Variants in DAP3 observed in about 807,000 individuals in gnomAD.
DAP3 encodes the protein small ribosomal subunit protein mS29.
DAP3 carries 28 observed loss-of-function variants against 51.9 expected under a neutral mutation model. The ratio of observed to expected loss-of-function variants is 0.54; its 90% CI spans 0.40 to 0.74. The LOEUF (loss-of-function observed/expected upper bound fraction) is 0.74, where lower values mean the gene tolerates loss of function less well. Ranked by LOEUF, DAP3 falls within the 30% of genes least tolerant of loss-of-function variation. The pLI is 0.00. For synonymous variants in DAP3, 170 were observed against 170.3 expected (o/e 1.00, Z 0.01); for missense variants, 458 against 483.5 (o/e 0.95, Z 0.49).
chr1:155,729,062 T>C lies in DAP3; in HGVS notation c.624T>C (p.Tyr208=), dbSNP rs753566559. The change falls in exon 8 of 13, where the codon TAT becomes TAC. Residue 208 remains tyrosine (Y), a synonymous_variant. Coordinates refer to ENST00000368336, the MANE Select transcript of DAP3 (RefSeq NM_004632.4). Reference sequence around the variant, plus strand: ...TTTAGATAAAAGTTCAAGAGAAGTATGTCTGGAATAAGAGAGAAAGCACTG... The same window carrying C: ...TTTAGATAAAAGTTCAAGAGAAGTACGTCTGGAATAAGAGAGAAAGCACTG... ...FLNQIKVQEK[Y]VWNKRESTEK... The C allele has an allele frequency of 5.3e-5, 86 of 1,613,746 alleles. No individual in the cohort carries two copies. The highest frequency in any genetic ancestry group is 6.9e-5 in the Non-Finnish European group (82 of 1,179,960).
intron 1 of DAP3, among the ~76,000 whole-genome samples, chr1:155,701,688 T>TAA (rs766433912): frequency 0.096 from 10,685 of 111,878 alleles, 1,553 homozygotes; most frequent in African/African-American, 0.31. Flanking sequence ...AAAAATAAAT[T>TAA]AAAAAAAAAA....
At chr1:155,688,280 G>T (rs544283867), upstream of DAP3, 18 of 1,588,922 alleles carry the variant, frequency 1.1e-5, no homozygotes, top group Non-Finnish European at 1.5e-5. Context: ...TCCCGCAACC[G>T]ACACTGGGAT....
rs1202992150 is a variant in DAP3 at position 155,692,778 on chromosome 1, T to C, written c.-8+3604T>C. On this transcript the variant is annotated intron_variant, in intron 1 of 12. Coordinates refer to ENST00000368336, the MANE Select transcript of DAP3 (RefSeq NM_004632.4). ...AGAAATCAGAAGTATTCCAATCACA[T>C]TGCATTTGCAATCGATGCTCTAAGC... Among the ~76,000 whole-genome samples, 2 of 142,360 alleles carry C rather than the reference T, an allele frequency of 1.4e-5. 1 individual carries two copies. Among genetic ancestry groups the C allele is most frequent in the African/African-American group, 6.3e-5 (2 of 31,764 alleles). The allele number at this position is 142,360 out of a possible 152,430, so 93.4% of individuals were successfully genotyped here.
At chr1:155,727,378 G>A (rs1415701187) in intron 6 of DAP3, 1 of 300,128 alleles carries the variant, frequency 3.3e-6, no homozygotes, top group Non-Finnish European at 5.9e-6. Flanking sequence ...GCTGAGGCAG[G>A]ATGATTGCCT....
chr1:155,736,839 C>A, intron 11 of DAP3, 107 bp from the exon 12 acceptor site: 1 of 904,984 alleles, frequency 1.1e-6, no homozygotes, highest in Non-Finnish European at 1.8e-6. Context: ...AGTAGAGTTA[C>A]ATAGAAGAAA....
rs1397911722 is a variant in DAP3, at chr1:155,709,819, C to G, written c.40C>G (p.His14Asp). 6.2e-7 allele frequency: 1 copy of G among 1,613,422 alleles called. No individual in the cohort carries two copies. Among genetic ancestry groups the G allele is most frequent in the Admixed American group, 1.7e-5 (1 of 59,938 alleles). Residue 14 changes from histidine (H) to aspartate (D), a missense_variant, in exon 2 of 13, where the codon CAT (histidine) becomes GAT (aspartate). Physicochemically the swap from His to Asp is moderately conservative, Grantham distance 81. Transcript: ENST00000368336. ...AATAACAAGGCTTATCTCTAGGATC[C>G]ATAAGGTGAGTCCTGACTGACCTGA... ...KGITRLISRI[H>D]KLDPGRFLHM...
intron 1 of DAP3, among the ~76,000 whole-genome samples, chr1:155,703,006 C>T (rs891585444): frequency 1.3e-5 from 2 of 151,962 alleles, no homozygotes; most frequent in Admixed American, 6.6e-5. Context: ...ATCAGTTGAC[C>T]GTGATGTAAA....
intron 6 of DAP3, 71 bp from the exon 7 acceptor site, chr1:155,727,537 G>A: frequency 6.2e-6 from 9 of 1,444,676 alleles, no homozygotes; most frequent in South Asian, 5.5e-5. Context: ...TAACTTAAAA[G>A]AGGCATAGAA....
At chr1:155,734,498 C>T (rs1187126220) in intron 11 of DAP3, among the ~76,000 whole-genome samples, 1 of 152,122 alleles carries the variant, frequency 6.6e-6, no homozygotes, top group East Asian at 1.9e-4. Flanking sequence ...TTGACCACTT[C>T]TTTATTTTCT....
intron 11 of DAP3, 33 bp downstream of exon 11, chr1:155,732,066 A>G: frequency 1.3e-6 from 2 of 1,547,948 alleles, no homozygotes; most frequent in Non-Finnish European, 1.8e-6. Flanking sequence ...TTCTACTTAG[A>G]TTGTTATCCT....
At chr1:155,725,205 A>G (rs1416029507) in intron 4 of DAP3, among the ~76,000 whole-genome samples, 177 bp from the exon 5 acceptor site, 1 of 152,208 alleles carries the variant, frequency 6.6e-6, no homozygotes, top group Non-Finnish European at 1.5e-5. Flanking sequence ...TTCAGTTTTT[A>G]GCTAAGTTAT....
chr1:155,701,840 C>G (rs891063292), intron 1 of DAP3, among the ~76,000 whole-genome samples: 6 of 151,548 alleles, frequency 4.0e-5, no homozygotes, highest in African/African-American at 1.5e-4. Context: ...TTTTCACAAC[C>G]CTTAAGGTTA....
rs1392559335 is a variant in DAP3 at position 155,729,210 on chromosome 1, C to T, written c.687C>T (p.Gly229=). 1 of 1,614,174 alleles carries T rather than the reference C, an allele frequency of 6.2e-7. No homozygotes were observed. Among genetic ancestry groups the T allele is most frequent in the East Asian group, 2.2e-5 (1 of 44,886 alleles). The change falls in exon 9 of 13, where the codon GGC becomes GGT. Residue 229 remains glycine (G), a splice_region_variant and synonymous_variant. Transcript: ENST00000368336. ...CAATCCACTGTCTCTCCCAATAGGGCATAACACGGGTGAGGAACGCCACAG... is the reference window on the plus strand; with the variant it reads ...CAATCCACTGTCTCTCCCAATAGGGTATAACACGGGTGAGGAACGCCACAG... The part of the protein sequence containing the change: ...GSPLGEVVEQ[G]ITRVRNATDA...
In DAP3 at chr1:155,709,806, T is replaced by C; in HGVS notation, c.27T>C (p.Leu9=). ...TGATGCTGAAAGGAATAACAAGGCT[T>C]ATCTCTAGGATCCATAAGGTGAGTC... MMLKGITR[L]ISRIHKLDPG... is the part of the protein sequence containing the mutation. Residue 9 remains leucine (L), a synonymous_variant, in exon 2 of 13, where the codon CTT becomes CTC. Transcript: ENST00000368336. The C allele has an allele frequency of 1.9e-6, 3 of 1,613,688 alleles. No individual in the cohort carries two copies. Among genetic ancestry groups the C allele is most frequent in the Non-Finnish European group, 1.7e-6 (2 of 1,179,896 alleles).
intron 2 of DAP3, chr1:155,710,045 CTTTA>C: frequency 9.5e-6 from 4 of 421,004 alleles, no homozygotes; most frequent in Non-Finnish European, 1.7e-5. Flanking sequence ...TCTTTATTAA[CTTTA>C]TTTCTCTAGC....
intron 11 of DAP3, 65 bp downstream of exon 11, chr1:155,732,098 T>C: frequency 7.3e-7 from 1 of 1,367,186 alleles, no homozygotes; most frequent in Non-Finnish European, 1.0e-6. Context: ...AATATTTTTA[T>C]TAATCTATGT....
intron 1 of DAP3, among the ~76,000 whole-genome samples, chr1:155,700,734 G>C: frequency 6.9e-6 from 1 of 144,992 alleles, no homozygotes; most frequent in South Asian, 2.2e-4. Context: ...GCCCCGTCCG[G>C]GAGGGAGGTG....
chr1:155,703,640 C>A (rs1382597439), intron 1 of DAP3, among the ~76,000 whole-genome samples: 2 of 152,186 alleles, frequency 1.3e-5, no homozygotes, highest in Non-Finnish European at 2.9e-5. Context: ...CGGGCTCAAG[C>A]AATTCTCCTG....
At chr1:155,688,538 C>T (rs1458410255), upstream of DAP3, 1 of 1,542,666 alleles carries the variant, frequency 6.5e-7, no homozygotes, top group East Asian at 2.4e-5. Flanking sequence ...CAACCACCAC[C>T]TTCGGCCGTC....
Sources: gnomAD v4.1 joint callset for allele counts (sites outside exome capture counted in the v4.1 genomes callset) on GRCh38, gnomAD v4.1.1 for gene constraint, MANE v1.5 for transcripts, NCBI Gene and HGNC (gene_info 2026-07-23, HGNC 2026-07-21) for gene names.